The following PCYT1B variants were observed in gnomAD, a reference collection of about 807,000 sequenced individuals.
The protein encoded by PCYT1B is choline-phosphate cytidylyltransferase B.
Under a neutral mutation model 26.4 loss-of-function variants are expected in PCYT1B, and 10 were observed. That is an observed-to-expected ratio of 0.38 (90% confidence interval 0.23 to 0.64). The LOEUF (loss-of-function observed/expected upper bound fraction) is 0.64, where lower values mean the gene tolerates loss of function less well. Among genes scored for constraint, PCYT1B ranks in the 30% least tolerant of loss-of-function variants. PCYT1B has a pLI of 0.56. For synonymous variants in PCYT1B, 131 were observed against 108.4 expected, an observed-to-expected ratio of 1.21 and a Z score of -1.29; for missense variants, 161 against 292.7, an observed-to-expected ratio of 0.55 and a Z score of 3.28.
intron 1 of PCYT1B, among the ~76,000 whole-genome samples, chrX:24,655,875 G>C (rs776150508): frequency 5.6e-5 from 6 of 107,076 alleles, no homozygotes; most frequent in Non-Finnish European, 1.2e-4. Context: ...AGGCCATTAG[G>C]GGGAGGCCAA....
intron 1 of PCYT1B, among the ~76,000 whole-genome samples, chrX:24,657,820 T>G (rs2148279201): frequency 8.9e-6 from 1 of 112,069 alleles, no homozygotes; most frequent in South Asian, 3.7e-4. Context: ...TGCATATTAA[T>G]CCAGTTTTTC....
chrX:24,578,726 C>G (rs1924103902), intron 6 of PCYT1B, among the ~76,000 whole-genome samples: 1 of 111,764 alleles, frequency 8.9e-6, no homozygotes, highest in Non-Finnish European at 1.9e-5. Flanking sequence ...TCCCTCCTCC[C>G]TTTCCTTTCA....
chrX:24,663,481 T>C (rs1039356525), intron 1 of PCYT1B, among the ~76,000 whole-genome samples: 4 of 112,851 alleles, frequency 3.5e-5, no homozygotes, highest in African/African-American at 9.7e-5. Context: ...TTTTGCCTGC[T>C]GCTTTTCAAT....
chrX:24,561,720 T>C lies in PCYT1B; in HGVS notation c.*573A>G, dbSNP rs753380492. On this transcript the variant is annotated 3_prime_UTR_variant, in exon 8 of 8. Coordinates refer to ENST00000379144, the MANE Select transcript of PCYT1B (RefSeq NM_004845.5). The stretch of plus-strand genomic sequence containing the variant: ...AACCAGCCTAAAGCAAGGCTTTGTC[T>C]ATGAGCCACATTCATGGAACTGGAA... 4.8e-6 allele frequency: 1 copy of C among 209,533 alleles called. No individual in the cohort carries two copies. The highest frequency in any genetic ancestry group is 8.8e-6 in the Non-Finnish European group (1 of 114,181). The allele number at this position is 209,533 out of a possible 1,213,427, so 17.3% of individuals were successfully genotyped here.
intron 3 of PCYT1B, 52 bp from the exon 4 acceptor site, chrX:24,590,226 C>A (rs1342966701): frequency 2.7e-6 from 3 of 1,093,973 alleles, no homozygotes; most frequent in Non-Finnish European, 3.7e-6. Context: ...GACCTGCTCA[C>A]AGCCACCCTG....
chrX:24,619,840 A>C (rs1476796871), intron 1 of PCYT1B, among the ~76,000 whole-genome samples: 1 of 111,820 alleles, frequency 8.9e-6, no homozygotes, highest in East Asian at 2.8e-4. Context: ...AGAAAGATGT[A>C]GTCACTTGGA....
At chrX:24,638,384 C>G (rs987666505) in intron 1 of PCYT1B, among the ~76,000 whole-genome samples, 6 of 111,809 alleles carry the variant, frequency 5.4e-5, no homozygotes, top group Admixed American at 9.5e-5. Context: ...TATCCCCAAG[C>G]AAGGTCAGCT....
At chrX:24,665,864 C>T (rs1444490435) in intron 1 of PCYT1B, among the ~76,000 whole-genome samples, 1 of 110,461 alleles carries the variant, frequency 9.1e-6, no homozygotes, top group East Asian at 2.8e-4. Context: ...TATCTCTCTT[C>T]GAGGCTGCCC....
At chrX:24,613,950 C>CAAAAAAAAAAAAA (rs200062439) in intron 2 of PCYT1B, among the ~76,000 whole-genome samples, 17 of 77,213 alleles carry the variant, frequency 2.2e-4, no homozygotes, top group Non-Finnish European at 2.6e-4. Context: ...AACAACCTGT[C>CAAAAAAAAAAAAA]AAAAAAAAAA....
chrX:24,637,192 C>T (rs1415787029), intron 1 of PCYT1B, among the ~76,000 whole-genome samples: 1 of 109,432 alleles, frequency 9.1e-6, no homozygotes, highest in Non-Finnish European at 1.9e-5. Flanking sequence ...TAAAGCATCT[C>T]TAAAAGTGCA....
chrX:24,618,943 G>T, intron 2 of PCYT1B, 42 bp downstream of exon 2: 1 of 895,769 alleles, frequency 1.1e-6, no homozygotes, highest in Non-Finnish European at 1.5e-6. Context: ...ACTTTAAAAT[G>T]TCAAGACAGG....
chrX:24,625,598 A>G (rs906314722), intron 1 of PCYT1B, among the ~76,000 whole-genome samples: 1 of 108,450 alleles, frequency 9.2e-6, no homozygotes, highest in Non-Finnish European at 1.9e-5. Context: ...TATGGAATGT[A>G]CATGTTATAA....
At chrX:24,588,672 G>T (rs1924450778) in intron 4 of PCYT1B, among the ~76,000 whole-genome samples, 1 of 111,473 alleles carries the variant, frequency 9.0e-6, no homozygotes, top group African/African-American at 3.3e-5. Flanking sequence ...CGGGACTGGA[G>T]AATTCTTTGG....
intron 2 of PCYT1B, among the ~76,000 whole-genome samples, chrX:24,616,300 C>T (rs930677268): frequency 2.7e-4 from 26 of 97,072 alleles, no homozygotes; most frequent in African/African-American, 7.4e-4. Context: ...TGCAGTGGTG[C>T]GATCTCGGCT....
chrX:24,621,750 C>T, intron 1 of PCYT1B: 1 of 236,927 alleles, frequency 4.2e-6, no homozygotes, highest in Non-Finnish European at 6.0e-6. Context: ...TATATGTGGG[C>T]AATGAACCTT....
chrX:24,610,145 TA>T (rs1318387846), intron 2 of PCYT1B, among the ~76,000 whole-genome samples: 10 of 111,037 alleles, frequency 9.0e-5, no homozygotes, highest in Non-Finnish European at 1.1e-4. Context: ...AAAATAAATT[TA>T]AAAAAGAAAT....
chrX:24,593,329 T>TTTTC (rs200715279), intron 3 of PCYT1B, among the ~76,000 whole-genome samples: 13 of 110,149 alleles, frequency 1.2e-4, no homozygotes, highest in Non-Finnish European at 1.7e-4. Flanking sequence ...CTTCTTTTTC[T>TTTTC]TTTCTTTCTT....
chrX:24,577,828 A>C (rs1924070683), intron 6 of PCYT1B, among the ~76,000 whole-genome samples: 1 of 111,959 alleles, frequency 8.9e-6, no homozygotes, highest in South Asian at 3.7e-4. Context: ...ATTTTAATCA[A>C]AGATATCGGC....
rs191660738 is a variant in PCYT1B at position 24,669,796 on chromosome X, C to T, written c.63+2774G>A. Among the ~76,000 whole-genome samples the T allele has an allele frequency of 3.6e-4, 39 of 108,688 alleles. No individual in the cohort carries two copies. The Admixed American group carries it at 3.6e-3, about 10-fold the overall frequency. 94.4% of individuals were successfully genotyped at this position (108,688 alleles called of 115,157 possible). A position where few individuals can be genotyped will look rare whatever the true frequency, so the allele number is the denominator to read the frequency against. ...GTGGCGCATACCTGTAATCCCAGTG[C>T]GTTGGGAGGTTTAGGTGGAAGGATC... On this transcript the variant is annotated intron_variant, in intron 1 of 7. Transcript: ENST00000379145.
Sources: allele counts gnomAD v4.1 joint callset (sites outside exome capture counted in the v4.1 genomes callset), GRCh38; gene constraint gnomAD v4.1.1; transcripts MANE v1.5; gene names NCBI Gene and HGNC (gene_info 2026-07-23, HGNC 2026-07-21).